The following TXLNB variants were observed in gnomAD, a reference collection of about 807,000 sequenced individuals.
The protein encoded by TXLNB is taxilin beta.
In TXLNB, 37 loss-of-function variants were observed where a neutral mutation model predicts 57.4. The ratio of observed to expected loss-of-function variants is 0.64; its 90% CI spans 0.50 to 0.85. The LOEUF (loss-of-function observed/expected upper bound fraction) is 0.85, where lower values mean the gene tolerates loss of function less well. TXLNB is among the 40% of genes least tolerant of loss of function. TXLNB has a pLI of 0.00. For synonymous variants in TXLNB, 302 were observed against 309.6 expected (o/e 0.98, Z 0.26); for missense variants, 848 against 825.6 (o/e 1.03, Z -0.33).
chr6:139,191,940 A>G, the TXLNB span, among the ~76,000 whole-genome samples: 1 of 152,186 alleles, frequency 6.6e-6, no homozygotes, highest in African/African-American at 2.4e-5. Context: ...TCCCTGCTCA[A>G]TTTATCCTCT....
the TXLNB span, among the ~76,000 whole-genome samples, chr6:139,171,373 A>C: frequency 1.3e-5 from 2 of 152,222 alleles, no homozygotes; most frequent in Admixed American, 6.5e-5. Context: ...GACATACATA[A>C]ATAGATAATG....
upstream of TXLNB, among the ~76,000 whole-genome samples, chr6:139,292,968 G>T (rs776729868): frequency 6.6e-6 from 1 of 152,112 alleles, no homozygotes; most frequent in Non-Finnish European, 1.5e-5. The surrounding 1 kb of genome is among the most constrained non-coding windows in gnomAD (Gnocchi z 4.0). Context: ...AGATCTCCAC[G>T]TCCTACTCCC....
chr6:139,205,427 A>G, the TXLNB span, among the ~76,000 whole-genome samples: 5 of 152,352 alleles, frequency 3.3e-5, no homozygotes, highest in Non-Finnish European at 7.3e-5. Context: ...AATTTAAAAA[A>G]TAGTCCAGGA....
At chr6:139,163,361 T>C in the TXLNB span, among the ~76,000 whole-genome samples, 1 of 27,130 alleles carries the variant, frequency 3.7e-5, no homozygotes, top group Non-Finnish European at 1.1e-4. Flanking sequence ...TCTTTTTTTT[T>C]TTTTTTTTTT....
At chr6:139,210,523 G>A in the TXLNB span, among the ~76,000 whole-genome samples, 1 of 152,186 alleles carries the variant, frequency 6.6e-6, no homozygotes, top group Non-Finnish European at 1.5e-5. Flanking sequence ...GGCCGAATAG[G>A]AACAGCTCCA....
chr6:139,215,843 C>T, the TXLNB span, among the ~76,000 whole-genome samples: 37 of 152,174 alleles, frequency 2.4e-4, no homozygotes, highest in Non-Finnish European at 4.1e-4. Flanking sequence ...CTAAAGAAGA[C>T]GTTTATGCAG....
the TXLNB span, among the ~76,000 whole-genome samples, chr6:139,211,461 A>G: frequency 6.6e-6 from 1 of 152,214 alleles, no homozygotes; most frequent in South Asian, 2.1e-4. Flanking sequence ...AAGGACATCT[A>G]CACCAAAAAC....
At chr6:139,194,026 A>G in the TXLNB span, among the ~76,000 whole-genome samples, 3 of 151,104 alleles carry the variant, frequency 2.0e-5, no homozygotes, top group African/African-American at 7.3e-5. Flanking sequence ...TATTTTTAGT[A>G]GAGACGGGGT....
At chr6:139,196,365 G>GTTT in the TXLNB span, among the ~76,000 whole-genome samples, 6,283 of 38,664 alleles carry the variant, frequency 0.16, 779 homozygotes, top group Non-Finnish European at 0.23. Flanking sequence ...TCCAGATCTG[G>GTTT]TTTTTTTTTT....
the TXLNB span, among the ~76,000 whole-genome samples, chr6:139,322,954 G>A: frequency 6.6e-6 from 1 of 152,154 alleles, no homozygotes; most frequent in Non-Finnish European, 1.5e-5. Flanking sequence ...GCTTCCCCAG[G>A]ACAGAGGCCC....
At chr6:139,169,527 A>C in the TXLNB span, 1 of 152,218 alleles carries the variant, frequency 6.6e-6, no homozygotes, top group African/African-American at 2.4e-5. Flanking sequence ...TGAGAATTGT[A>C]CCTAACTCCC....
rs1350676877 is a variant in TXLNB, at chr6:139,242,588, C to T, written c.1993G>A (p.Gly665Arg). 2.6e-6 allele frequency: 4 copies of T among 1,543,428 alleles called. No individual in the cohort carries two copies. The South Asian group carries it at 3.8e-5, about 14-fold the overall frequency. The change falls in exon 10 of 10, where the codon GGG becomes AGG. Residue 665 changes from glycine (G) to arginine (R), a missense_variant. Gly to Arg is a moderately radical substitution (Grantham distance 125, BLOSUM62 -2). Transcript: ENST00000358430. The stretch of plus-strand genomic sequence containing the variant: ...CGCGGCTGGGGCCCAGCTGAGGCCC[C>T]TACTGGCAGCTCCTCTGCTGCTGCT... Reference protein sequence around the residue: ...PRAAAEELPVGASAGPQPRNV... With the variant: ...PRAAAEELPVRASAGPQPRNV...
At chr6:139,178,041 A>G in the TXLNB span, 2 of 152,236 alleles carry the variant, frequency 1.3e-5, no homozygotes, top group Admixed American at 1.3e-4. Flanking sequence ...GCCATGTATA[A>G]CCAATTAATT....
At chr6:139,220,234 G>T in the TXLNB span, among the ~76,000 whole-genome samples, 1 of 152,176 alleles carries the variant, frequency 6.6e-6, no homozygotes, top group Non-Finnish European at 1.5e-5. Context: ...GAATCTGCTG[G>T]TACCTTGATA....
At chr6:139,320,647 T>A in the TXLNB span, among the ~76,000 whole-genome samples, 1 of 152,210 alleles carries the variant, frequency 6.6e-6, no homozygotes, top group African/African-American at 2.4e-5. Context: ...TCTCATTTTT[T>A]TTTTTTACCA....
the TXLNB span, among the ~76,000 whole-genome samples, chr6:139,168,598 A>G: frequency 1.3e-5 from 2 of 151,882 alleles, no homozygotes; most frequent in Admixed American, 6.6e-5. Flanking sequence ...GTCCTGGTGC[A>G]CTCAGGACCT....
At chr6:139,309,020 A>G in the TXLNB span, among the ~76,000 whole-genome samples, 3 of 152,256 alleles carry the variant, frequency 2.0e-5, no homozygotes, top group East Asian at 1.9e-4. Flanking sequence ...TCCATTCCCT[A>G]TTTGACAGCT....
chr6:139,195,206 C>T, the TXLNB span, among the ~76,000 whole-genome samples: 3 of 152,202 alleles, frequency 2.0e-5, no homozygotes, highest in South Asian at 6.2e-4. Context: ...CATTGCATCA[C>T]TCTAACCTCA....
chr6:139,213,964 T>G, the TXLNB span, among the ~76,000 whole-genome samples: 1 of 152,032 alleles, frequency 6.6e-6, no homozygotes, highest in East Asian at 1.9e-4. Flanking sequence ...AATAACAGGC[T>G]CTGAAATTGA....
Sources: allele counts gnomAD v4.1 joint callset (sites outside exome capture counted in the v4.1 genomes callset), GRCh38; gene constraint gnomAD v4.1.1; non-coding constraint Gnocchi (gnomAD v3.1); transcripts MANE v1.5; gene names NCBI Gene and HGNC (gene_info 2026-07-23, HGNC 2026-07-21).